The following TASP1 variants were observed in gnomAD, a reference collection of about 807,000 sequenced individuals.
TASP1 encodes the protein threonine aspartase 1.
TASP1 carries 16 observed loss-of-function variants against 56.6 expected under a neutral mutation model. That is an observed-to-expected ratio of 0.28 (90% confidence interval 0.19 to 0.43). TASP1 has a LOEUF of 0.43. Ranked by LOEUF, TASP1 falls within the 20% of genes least tolerant of loss-of-function variation. The pLI, the probability that TASP1 is intolerant of heterozygous loss-of-function variation, is 1.00. For synonymous variants in TASP1, 179 were observed against 184.2 expected (o/e 0.97, Z 0.23); for missense variants, 393 against 511.6 (o/e 0.77, Z 2.24).
the TASP1 span, among the ~76,000 whole-genome samples, chr20:13,141,783 T>C: frequency 6.6e-6 from 1 of 152,188 alleles, no homozygotes; most frequent in Non-Finnish European, 1.5e-5. Flanking sequence ...AAAACAGATG[T>C]TGGTGCTATG....
chr20:13,579,038 G>T (rs1482158771), intron 6 of TASP1, among the ~76,000 whole-genome samples: 2 of 152,094 alleles, frequency 1.3e-5, no homozygotes, highest in African/African-American at 4.8e-5. Flanking sequence ...TTTTTACATG[G>T]TTTATGCTAT....
chr20:13,247,472 G>A, the TASP1 span, among the ~76,000 whole-genome samples: 4 of 151,620 alleles, frequency 2.6e-5, no homozygotes, highest in South Asian at 4.2e-4. Context: ...CACCTTCGCC[G>A]GATGCTGTGG....
At chr20:13,423,508 T>C (rs2042517194) in intron 12 of TASP1, among the ~76,000 whole-genome samples, 1 of 152,186 alleles carries the variant, frequency 6.6e-6, no homozygotes, top group South Asian at 2.1e-4. Flanking sequence ...AACACTAGTC[T>C]ACAAGATAGC....
chr20:13,227,004 G>A, the TASP1 span, among the ~76,000 whole-genome samples: 1 of 152,106 alleles, frequency 6.6e-6, no homozygotes, highest in African/African-American at 2.4e-5. Flanking sequence ...ATAGTGCAAG[G>A]ACATAAAGTG....
Position 13,498,331 on chromosome 20 carries a change from T to TG in TASP1, c.875-14995_875-14994insC, listed in dbSNP as rs2043808513. 1.4e-3 allele frequency among the ~76,000 whole-genome samples: 194 copies of TG among 135,118 alleles called. 1 individual carries two copies. The highest frequency in any genetic ancestry group is 2.5e-3 in the Non-Finnish European group (157 of 64,078). The allele number at this position is 135,118 out of a possible 152,430, so 88.6% of individuals were successfully genotyped here. ...ATGAACAAACACTTTTTCTTTTCTT[T>TG]TGTGTGTGTGTGTGTGTGTGTGTGT... On this transcript the variant is annotated intron_variant, in intron 10 of 13. Transcript: ENST00000337743.
At chr20:13,416,548 T>C (rs527859772) in intron 13 of TASP1, among the ~76,000 whole-genome samples, 1 of 152,330 alleles carries the variant, frequency 6.6e-6, no homozygotes, top group African/African-American at 2.4e-5. Context: ...AAGTGTTCTT[T>C]ATTATATTTA....
intron 8 of TASP1, among the ~76,000 whole-genome samples, chr20:13,552,089 T>C (rs1369880420): frequency 6.6e-6 from 1 of 152,192 alleles, no homozygotes; most frequent in Non-Finnish European, 1.5e-5. Context: ...TTGCCTAATA[T>C]ACATAAATTT....
intron 10 of TASP1, among the ~76,000 whole-genome samples, chr20:13,495,216 G>A (rs2043677544): frequency 6.6e-6 from 1 of 151,996 alleles, no homozygotes; most frequent in Non-Finnish European, 1.5e-5. Context: ...CTCTTTAAAA[G>A]CTGAAAAGGA....
In TASP1 at chr20:13,506,754, A is replaced by G. The variant is rs546092873; in HGVS notation, c.874+21679T>C. ...GGTACAGAATGCACCTCAACACAAT[A>G]AAGACCTCAACTTCAATGGTCAAAA... On this transcript the variant is annotated intron_variant, in intron 10 of 13. Transcript: ENST00000337743. Among the ~76,000 whole-genome samples the G allele has an allele frequency of 5.3e-5, 8 of 152,246 alleles. 1 individual carries two copies. Among genetic ancestry groups the G allele is most frequent in the South Asian group, 4.1e-4 (2 of 4,828 alleles).
the TASP1 span, chr20:13,270,634 C>T: frequency 5.9e-5 from 95 of 1,613,956 alleles, no homozygotes; most frequent in South Asian, 4.1e-4. Flanking sequence ...CGACAAGAGA[C>T]GGGGCACCCT....
the TASP1 span, among the ~76,000 whole-genome samples, chr20:13,222,947 C>G: frequency 1.3e-5 from 2 of 152,050 alleles, no homozygotes; most frequent in African/African-American, 4.8e-5. Context: ...TGGATCACCT[C>G]AGGCCAGGTG....
chr20:13,125,593 G>T, the TASP1 span, among the ~76,000 whole-genome samples: 1 of 152,176 alleles, frequency 6.6e-6, no homozygotes, highest in Non-Finnish European at 1.5e-5. Context: ...GGTCTCATCT[G>T]GGCTTGCTTC....
rs12479594 is a variant in TASP1 at position 13,532,972 on chromosome 20, C to G, written c.795+1050G>C. Among the ~76,000 whole-genome samples the G allele has an allele frequency of 5.1e-3, 776 of 152,270 alleles. 4 individuals are homozygous for G. Among genetic ancestry groups the G allele is most frequent in the East Asian group, 0.012 (60 of 5,182 alleles). On this transcript the variant is annotated intron_variant, in intron 9 of 13. Transcript: ENST00000337743. ...GTTGAGTAATCATTCCCTATACAGC[C>G]CCTTGCACACTAGGCAGAGTAGCAC...
chr20:13,630,498 G>T (rs1191421110), intron 1 of TASP1, among the ~76,000 whole-genome samples: 1 of 151,778 alleles, frequency 6.6e-6, no homozygotes, highest in East Asian at 1.9e-4. Flanking sequence ...AGACCAGCCT[G>T]ACCAACATGG....
At chr20:13,224,190 C>G in the TASP1 span, among the ~76,000 whole-genome samples, 1 of 152,132 alleles carries the variant, frequency 6.6e-6, no homozygotes, top group Non-Finnish European at 1.5e-5. Context: ...AATGCACACA[C>G]TTTTCCAAGC....
chr20:13,628,574 T>C (rs893355548), intron 2 of TASP1, among the ~76,000 whole-genome samples: 8 of 152,332 alleles, frequency 5.3e-5, no homozygotes, highest in African/African-American at 1.7e-4. Flanking sequence ...ATAAGGCTTC[T>C]CGGGTTGTCC....
At chr20:13,566,322 TTTATG>T (rs1301781289) in intron 7 of TASP1, among the ~76,000 whole-genome samples, 15 of 152,284 alleles carry the variant, frequency 9.9e-5, no homozygotes, top group South Asian at 4.1e-4. Flanking sequence ...GATGGTAAAT[TTTATG>T]TTATGTGTAT....
the TASP1 span, among the ~76,000 whole-genome samples, chr20:13,279,216 G>C: frequency 6.6e-6 from 1 of 152,188 alleles, no homozygotes; most frequent in Non-Finnish European, 1.5e-5. Context: ...ATTATAATAT[G>C]ATTATTCTGG....
chr20:13,308,458 T>C, the TASP1 span, among the ~76,000 whole-genome samples: 2 of 152,190 alleles, frequency 1.3e-5, no homozygotes, highest in African/African-American at 4.8e-5. Context: ...GTGTTATGAA[T>C]TGAACAGTAC....
Sources: gnomAD v4.1 joint callset for allele counts (sites outside exome capture counted in the v4.1 genomes callset) on GRCh38, gnomAD v4.1.1 for gene constraint, MANE v1.5 for transcripts, NCBI Gene and HGNC (gene_info 2026-07-23, HGNC 2026-07-21) for gene names.